ANKRD11: variants seen among roughly 807,000 people sequenced by gnomAD.
ANKRD11 encodes ankyrin repeat domain-containing protein 11.
In ANKRD11, 17 loss-of-function variants were observed where a neutral mutation model predicts 195.7. The observed-to-expected ratio is 0.09, with a 90% CI of 0.06 to 0.13. The LOEUF is 0.13. Among genes scored for constraint, ANKRD11 ranks in the 10% least tolerant of loss-of-function variants. The pLI, the probability that ANKRD11 is intolerant of heterozygous loss-of-function variation, is 1.00. For missense variants in ANKRD11, 3,735 were observed against 3,566.1 expected (o/e 1.05, Z -1.21); for synonymous variants, 1,953 against 1,528.1 (o/e 1.28, Z -6.49).
chr16:89,305,848 C>CACTT (rs1419828490), intron 3 of ANKRD11, among the ~76,000 whole-genome samples: 2 of 113,232 alleles, frequency 1.8e-5, no homozygotes, highest in Non-Finnish European at 3.6e-5. Context: ...AGACACGCAC[C>CACTT]ACCTCCCACT....
At position 89,374,193 on chromosome 16, in the gene ANKRD11, C is replaced by T. The variant is rs557707661; in HGVS notation, c.-60+44091G>A. ...TATTCACGGCAATTCTTTTTAAAAA[C>T]ATTAATATCAGACTTCAAAGATTTA... On this transcript the variant is annotated intron_variant, in intron 2 of 12. Coordinates refer to ENST00000301030, the MANE Select transcript of ANKRD11 (RefSeq NM_013275.6). 9.2e-5 allele frequency among the ~76,000 whole-genome samples: 14 copies of T among 152,284 alleles called. 1 individual carries two copies. Among genetic ancestry groups the T allele is most frequent in the African/African-American group, 3.1e-4 (13 of 41,558 alleles).
In ANKRD11 at chr16:89,373,727, G is replaced by C. The variant is rs2040295821; in HGVS notation, c.-60+44557C>G. ...AACGCTGCAGACACAACCCCACGCG[G>C]GAGGCATGCACACGACACCCCTCCC... On this transcript the variant is annotated intron_variant, in intron 2 of 12. Coordinates refer to ENST00000301030, the MANE Select transcript of ANKRD11 (RefSeq NM_013275.6). Among the ~76,000 whole-genome samples, 3 of 152,276 alleles carry C rather than the reference G, an allele frequency of 2.0e-5. No homozygotes were observed. In the South Asian group the frequency reaches 6.2e-4, roughly 32 times the overall value.
chr16:89,484,716 T>A (rs951647334), intron 1 of ANKRD11, among the ~76,000 whole-genome samples: 1 of 152,230 alleles, frequency 6.6e-6, no homozygotes, highest in African/African-American at 2.4e-5. Context: ...TTCTTAAAAG[T>A]CACATTTTTT....
intron 3 of ANKRD11, among the ~76,000 whole-genome samples, chr16:89,316,236 G>C (rs1483877590): frequency 1.3e-5 from 2 of 152,178 alleles, no homozygotes; most frequent in Non-Finnish European, 2.9e-5. Context: ...CACCTGACTT[G>C]TTGACGGTCA....
chr16:89,364,978 AT>A (rs1455747316), intron 2 of ANKRD11, among the ~76,000 whole-genome samples: 1 of 152,230 alleles, frequency 6.6e-6, no homozygotes, highest in Non-Finnish European at 1.5e-5. Context: ...AAATTTTGGC[AT>A]GGAAATCACA....
At chr16:89,394,872 T>G (rs1414474727) in intron 2 of ANKRD11, among the ~76,000 whole-genome samples, 4 of 152,106 alleles carry the variant, frequency 2.6e-5, no homozygotes, top group Non-Finnish European at 4.4e-5. Flanking sequence ...TTAAGGCAGG[T>G]TGGCTGTAGC....
At chr16:89,409,783 C>T (rs973460818) in intron 2 of ANKRD11, among the ~76,000 whole-genome samples, 3 of 152,176 alleles carry the variant, frequency 2.0e-5, no homozygotes, top group African/African-American at 7.2e-5. Context: ...AAAATCTGAT[C>T]ACATCTAAAC....
In ANKRD11 at chr16:89,284,610, T is replaced by C. The variant is rs754321250; in HGVS notation, c.1932A>G (p.Gly644=). The change falls in exon 9 of 13, where the codon GGA becomes GGG. Residue 644 remains glycine, a synonymous_variant. Transcript: ENST00000301030. ...TKHKHKNKEK[G]QCSISQELKL... ...TCAGCTCTTGGCTGATGGAACACTGTCCCTTCTCCTTGTTTTTGTGTTTGT... is the reference window on the plus strand; with the variant it reads ...TCAGCTCTTGGCTGATGGAACACTGCCCCTTCTCCTTGTTTTTGTGTTTGT... 6.2e-7 allele frequency: 1 copy of C among 1,614,170 alleles called. No homozygotes were observed. Among genetic ancestry groups the C allele is most frequent in the Admixed American group, 1.7e-5 (1 of 60,014 alleles).
At chr16:89,413,194 C>A (rs888738722) in intron 2 of ANKRD11, among the ~76,000 whole-genome samples, 1 of 152,182 alleles carries the variant, frequency 6.6e-6, no homozygotes, top group South Asian at 2.1e-4. Flanking sequence ...ACAGATAATT[C>A]CTCAGAACTC....
intron 2 of ANKRD11, among the ~76,000 whole-genome samples, chr16:89,383,863 C>A (rs1445636465): frequency 6.6e-6 from 1 of 152,200 alleles, no homozygotes; most frequent in Non-Finnish European, 1.5e-5. Flanking sequence ...AACACCACCT[C>A]CAAGCTCCAG....
At position 89,314,269 on chromosome 16, in the gene ANKRD11, A is replaced by C. The variant is rs182615803; in HGVS notation, c.87+2664T>G. 4.7e-3 allele frequency among the ~76,000 whole-genome samples: 709 copies of C among 150,918 alleles called. 1 individual carries two copies. Among genetic ancestry groups the C allele is most frequent in the African/African-American group, 0.016 (677 of 41,254 alleles). The stretch of plus-strand genomic sequence containing the variant: ...ACCCTGTCTCAAAACAAACAAACAA[A>C]CAACAACAACAAAAAACCACACATA... On this transcript the variant is annotated intron_variant, in intron 3 of 12. Coordinates refer to ENST00000301030, the MANE Select transcript of ANKRD11 (RefSeq NM_013275.6).
Position 89,280,473 on chromosome 16 carries a change from G to A in ANKRD11, c.6069C>T (p.Ala2023=), listed in dbSNP as rs560402669. 40 of 1,602,308 alleles carry A rather than the reference G, an allele frequency of 2.5e-5. No homozygotes were observed. In the South Asian group the frequency reaches 4.0e-4, roughly 16 times the overall value. ...APYPAPPASP[A]PYALPVAEPG... ...GCTCAGCGACGGGCAGAGCGTACGGGGCAGGAGAGGCGGGAGGGGCGGGGT... is the reference window on the plus strand; with the variant it reads ...GCTCAGCGACGGGCAGAGCGTACGGAGCAGGAGAGGCGGGAGGGGCGGGGT... Residue 2023 remains alanine, a synonymous_variant, in exon 9 of 13, where the codon GCC becomes GCT. Coordinates refer to ENST00000301030, the MANE Select transcript of ANKRD11 (RefSeq NM_013275.6).
At chr16:89,374,770 T>C (rs1433547995) in intron 2 of ANKRD11, among the ~76,000 whole-genome samples, 2 of 152,176 alleles carry the variant, frequency 1.3e-5, no homozygotes, top group Non-Finnish European at 1.5e-5. Flanking sequence ...ATGATGAACG[T>C]GGACACACAC....
intron 2 of ANKRD11, among the ~76,000 whole-genome samples, chr16:89,363,106 T>G (rs111493215): frequency 1.3e-5 from 2 of 152,210 alleles, no homozygotes; most frequent in African/African-American, 4.8e-5. Context: ...TACGTTCAAG[T>G]GCTATTTCTT....
At chr16:89,468,167 G>C (rs956939966) in intron 1 of ANKRD11, among the ~76,000 whole-genome samples, 4 of 152,170 alleles carry the variant, frequency 2.6e-5, no homozygotes, top group African/African-American at 9.7e-5. Context: ...TATTAACTTA[G>C]TGTTAACTTG....
intron 2 of ANKRD11, among the ~76,000 whole-genome samples, chr16:89,355,292 C>T: frequency 6.6e-6 from 1 of 151,620 alleles, no homozygotes; most frequent in Non-Finnish European, 1.5e-5. Flanking sequence ...CCCTGAGGCT[C>T]GGAAGGCGGG....
rs117056608 is a variant in ANKRD11 at position 89,364,412 on chromosome 16, T to C, written c.-59-47334A>G. On this transcript the variant is annotated intron_variant, in intron 2 of 12. Coordinates refer to ENST00000301030, the MANE Select transcript of ANKRD11 (RefSeq NM_013275.6). ...CGCAATAGGTAACTGAAACACATCC[T>C]ACTCACGGTAAGAACAAGCTGAAAT... is the stretch of plus-strand genomic sequence containing the variant. 2.4e-4 allele frequency among the ~76,000 whole-genome samples: 36 copies of C among 152,376 alleles called. No individual in the cohort carries two copies. In the East Asian group the frequency reaches 6.7e-3, roughly 29 times the overall value.
chr16:89,368,391 T>TTTG (rs1555554631), intron 2 of ANKRD11, among the ~76,000 whole-genome samples: 3 of 139,154 alleles, frequency 2.2e-5, no homozygotes, highest in African/African-American at 8.2e-5. Flanking sequence ...TTTTTTTTTT[T>TTTG]TTTTTTTTTT....
chr16:89,305,870 CACCACCCACCTCCCACTCCGCAGACACGT>C lies in ANKRD11; in HGVS notation c.88-555_88-527del, dbSNP rs1247485492. Among the ~76,000 whole-genome samples, 11 of 76,868 alleles carry C rather than the reference CACCACCCACCTCCCACTCCGCAGACACGT, an allele frequency of 1.4e-4. 5 individuals are homozygous for C. In the South Asian group the frequency reaches 2.0e-3, roughly 14 times the overall value. The allele number at this position is 76,868 out of a possible 152,430, so 50.4% of individuals were successfully genotyped here. A position where few individuals can be genotyped will look rare whatever the true frequency, so the allele number is the denominator to read the frequency against. On this transcript the variant is annotated intron_variant, in intron 3 of 12. Transcript: ENST00000301030. ...CACCACCTCCCACTCCGCAGACACG[CACCACCCACCTCCCACTCCGCAGACACGT>C]GCCACCCACCTCCCACTCCGCAGAC...
Sources: allele counts gnomAD v4.1 joint callset (sites outside exome capture counted in the v4.1 genomes callset), GRCh38; gene constraint gnomAD v4.1.1; transcripts MANE v1.5; gene names NCBI Gene and HGNC (gene_info 2026-07-23, HGNC 2026-07-21).